The following FAM193A variants were observed in gnomAD, a reference collection of about 807,000 sequenced individuals.
The protein encoded by FAM193A is protein FAM193A.
A neutral mutation model predicts 126.5 loss-of-function variants in FAM193A; 22 were observed. The ratio of observed to expected loss-of-function variants is 0.17; its 90% CI spans 0.12 to 0.25. The LOEUF (loss-of-function observed/expected upper bound fraction) is 0.25. FAM193A is among the 10% of genes least tolerant of loss of function. The pLI is 1.00. For synonymous variants in FAM193A, 761 were observed against 646.8 expected (o/e 1.18, Z -2.68); for missense variants, 1,675 against 1,672.8 (o/e 1.00, Z -0.02).
intron 2 of FAM193A, among the ~76,000 whole-genome samples, chr4:2,608,556 C>T (rs1741679215): frequency 1.3e-5 from 2 of 152,146 alleles, no homozygotes; most frequent in South Asian, 4.1e-4. Flanking sequence ...ATATTTAGAT[C>T]ATGGGCGGGT....
chr4:2,571,914 C>T (rs1055906618), intron 1 of FAM193A, among the ~76,000 whole-genome samples: 5 of 151,074 alleles, frequency 3.3e-5, no homozygotes, highest in East Asian at 2.0e-4. Context: ...GCCTGTAATC[C>T]CAGCACTTCG....
chr4:2,654,876 G>A, intron 7 of FAM193A: 1 of 442,166 alleles, frequency 2.3e-6, no homozygotes, highest in Non-Finnish European at 4.1e-6. Context: ...ATTCATGCTG[G>A]AAACTGGGAA....
chr4:2,630,797 A>G, intron 4 of FAM193A, 138 bp from the exon 5 acceptor site: 1 of 594,668 alleles, frequency 1.7e-6, no homozygotes, highest in Non-Finnish European at 3.0e-6. Flanking sequence ...TGCTTCTCAC[A>G]GGTGGTTATG....
At chr4:2,606,745 T>A (rs75892710) in intron 2 of FAM193A, among the ~76,000 whole-genome samples, 4,380 of 152,280 alleles carry the variant, frequency 0.029, 224 homozygotes, top group African/African-American at 0.099. Context: ...TTTTAAAAAA[T>A]CATATTTGTT....
intron 4 of FAM193A, 119 bp from the exon 5 acceptor site, chr4:2,630,816 G>T: frequency 1.6e-6 from 1 of 611,618 alleles, no homozygotes; most frequent in East Asian, 2.7e-5. Context: ...TGAGGAAGGT[G>T]ACTGTGTGGT....
At chr4:2,691,934 G>A (rs1010546455) in intron 15 of FAM193A, among the ~76,000 whole-genome samples, 11 of 152,134 alleles carry the variant, frequency 7.2e-5, no homozygotes, top group Non-Finnish European at 8.8e-5. Context: ...GATAAGAGTG[G>A]CAAGTCAGCA....
At chr4:2,592,062 T>G (rs898189567) in intron 1 of FAM193A, among the ~76,000 whole-genome samples, 2 of 152,200 alleles carry the variant, frequency 1.3e-5, no homozygotes, top group African/African-American at 4.8e-5. Context: ...TGGGGGATGA[T>G]ACTAGTAAAA....
chr4:2,730,456 C>G (rs1048889444), intron 20 of FAM193A, among the ~76,000 whole-genome samples: 1 of 152,022 alleles, frequency 6.6e-6, no homozygotes, highest in Non-Finnish European at 1.5e-5. Context: ...TTTGCGAGGC[C>G]GAGGAGGGCA....
intron 2 of FAM193A, among the ~76,000 whole-genome samples, chr4:2,597,237 T>C (rs956549884): frequency 3.3e-5 from 5 of 152,232 alleles, no homozygotes; most frequent in Admixed American, 6.5e-5. Flanking sequence ...CTAGCACTTA[T>C]TTCTAACATA....
At chr4:2,590,066 C>T (rs538132733) in intron 1 of FAM193A, among the ~76,000 whole-genome samples, 101 of 148,682 alleles carry the variant, frequency 6.8e-4, no homozygotes, top group Non-Finnish European at 1.2e-3. Flanking sequence ...ATCCAGGAGG[C>T]GGAGGTTGCA....
intron 20 of FAM193A, among the ~76,000 whole-genome samples, chr4:2,718,928 G>A (rs899951077): frequency 7.2e-5 from 11 of 152,088 alleles, no homozygotes; most frequent in African/African-American, 2.2e-4. Context: ...ATAGCTGTAA[G>A]TCTCAGTGAG....
chr4:2,535,552 G>C (rs1736831861), upstream of FAM193A, among the ~76,000 whole-genome samples: 1 of 152,244 alleles, frequency 6.6e-6, no homozygotes, highest in Non-Finnish European at 1.5e-5. Flanking sequence ...CCCTCCAGGG[G>C]GCGGAGCCGC....
chr4:2,719,782 C>CCCTTCCTT (rs1262234307), intron 20 of FAM193A, among the ~76,000 whole-genome samples: 2 of 62,614 alleles, frequency 3.2e-5, no homozygotes, highest in Non-Finnish European at 8.2e-5. Context: ...CTCCCTCCCT[C>CCCTTCCTT]CCTCCCTCCC....
At chr4:2,679,612 A>C (rs991660574) in intron 13 of FAM193A, among the ~76,000 whole-genome samples, 5 of 151,782 alleles carry the variant, frequency 3.3e-5, no homozygotes, top group African/African-American at 1.2e-4. Flanking sequence ...TCCCGACCTC[A>C]GGTGATCCAC....
chr4:2,577,422 G>GTTTTTTTTTTTTTTTTTTTT (rs986931980), intron 1 of FAM193A, among the ~76,000 whole-genome samples: 14 of 115,542 alleles, frequency 1.2e-4, no homozygotes, highest in Admixed American at 1.8e-4. Flanking sequence ...TTTTTTTTTT[G>GTTTTTTTTTTTTTTTTTTTT]TTTTTTTTTT....
At chr4:2,652,713 C>T (rs1009189595) in intron 7 of FAM193A, among the ~76,000 whole-genome samples, 1 of 152,216 alleles carries the variant, frequency 6.6e-6, no homozygotes, top group Non-Finnish European at 1.5e-5. Context: ...TACAGTTTGA[C>T]ATGAGATTTG....
At chr4:2,540,873 A>T (rs529373609) in intron 1 of FAM193A, among the ~76,000 whole-genome samples, 1 of 151,960 alleles carries the variant, frequency 6.6e-6, no homozygotes, top group South Asian at 2.1e-4. Flanking sequence ...AGGCTGGAGA[A>T]TCACTTGAAC....
chr4:2,624,063 C>T (rs904413813), intron 2 of FAM193A, among the ~76,000 whole-genome samples: 1 of 151,972 alleles, frequency 6.6e-6, no homozygotes, highest in Non-Finnish European at 1.5e-5. Flanking sequence ...GCCTTGGTGC[C>T]GATGGAAGGG....
At chr4:2,667,682 T>G (rs73791847) in intron 12 of FAM193A, among the ~76,000 whole-genome samples, 1 of 152,160 alleles carries the variant, frequency 6.6e-6, no homozygotes, top group African/African-American at 2.4e-5. Context: ...TGTCTTTGAA[T>G]CTAAAATTTG....
Sources: allele counts gnomAD v4.1 joint callset (sites outside exome capture counted in the v4.1 genomes callset), GRCh38; gene constraint gnomAD v4.1.1; transcripts MANE v1.5; gene names NCBI Gene and HGNC (gene_info 2026-07-23, HGNC 2026-07-21).